Variants in EIF3L observed in about 807,000 individuals in gnomAD.
The protein encoded by EIF3L is eIEF associated protein HSPC021.
A neutral mutation model predicts 74.6 loss-of-function variants in EIF3L; 32 were observed. That is an observed-to-expected ratio of 0.43 (90% confidence interval 0.32 to 0.58). EIF3L has a LOEUF of 0.58. EIF3L is among the 20% of genes least tolerant of loss of function. The pLI is 0.06. For synonymous variants in EIF3L, 256 were observed against 254.4 expected (o/e 1.01, Z -0.06); for missense variants, 474 against 707.8 (o/e 0.67, Z 3.75).
rs766411920 is a variant in EIF3L at position 37,851,290 on chromosome 22, G to A, written c.93G>A (p.Lys31=). 8 of 1,613,944 alleles carry A rather than the reference G, an allele frequency of 5.0e-6. No individual in the cohort carries two copies. The East Asian group carries it at 1.1e-4, about 22-fold the overall frequency. ...SDYDMHTGDP[K]QDLAYERQYE... The stretch of plus-strand genomic sequence containing the variant: ...GTATCCAACCTCCAGGAGATCCAAA[G>A]CAGGACCTTGCTTATGAACGTCAGT... The change falls in exon 3 of 13, where the codon AAG becomes AAA. Residue 31 remains lysine (K), a synonymous_variant. Transcript: ENST00000652021.
At chr22:37,860,334 A>G (rs1454268818) in intron 5 of EIF3L, among the ~76,000 whole-genome samples, 2 of 152,084 alleles carry the variant, frequency 1.3e-5, no homozygotes, top group Non-Finnish European at 2.9e-5. Context: ...TCTTCAACAT[A>G]CTTCTTTTTG....
At chr22:37,863,103 CTTTTTT>C in intron 6 of EIF3L, 65 bp downstream of exon 6, 4 of 1,025,542 alleles carry the variant, frequency 3.9e-6, no homozygotes, top group Non-Finnish European at 5.5e-6. Flanking sequence ...TGGCCTCCAG[CTTTTTT>C]TTTTTTTTTT....
chr22:37,879,039 G>C (rs1926908521), intron 11 of EIF3L: 1 of 151,312 alleles, frequency 6.6e-6, no homozygotes, highest in South Asian at 2.1e-4. Context: ...CGCCTCCCAG[G>C]TTCAAGCAAT....
At chr22:37,881,741 C>T (rs1262889685) in intron 11 of EIF3L, 2 of 152,120 alleles carry the variant, frequency 1.3e-5, no homozygotes, top group Non-Finnish European at 2.9e-5. Flanking sequence ...CAGCAAATGT[C>T]CATAGGGCAG....
At chr22:37,856,635 G>A (rs941783529) in intron 4 of EIF3L, among the ~76,000 whole-genome samples, 3 of 151,866 alleles carry the variant, frequency 2.0e-5, no homozygotes, top group Non-Finnish European at 4.4e-5. Flanking sequence ...ACCTGAGGTC[G>A]GGAGTTCGAG....
intron 7 of EIF3L, among the ~76,000 whole-genome samples, chr22:37,864,148 C>T (rs373596694): frequency 6.6e-6 from 1 of 152,176 alleles, no homozygotes; most frequent in East Asian, 1.9e-4. Context: ...CCTAGAACTC[C>T]TGGGTTCAAG....
chr22:37,862,854 AAGAG>A, intron 5 of EIF3L, 111 bp from the exon 6 acceptor site: 1 of 753,262 alleles, frequency 1.3e-6, no homozygotes, highest in Non-Finnish European at 2.2e-6. Flanking sequence ...CATAGTAAGA[AAGAG>A]AGGACAGATA....
intron 3 of EIF3L, among the ~76,000 whole-genome samples, chr22:37,853,733 T>G (rs1436937792): frequency 6.6e-6 from 1 of 152,242 alleles, no homozygotes; most frequent in Non-Finnish European, 1.5e-5. Context: ...ATTTAAAAAT[T>G]AAGGGGATAT....
chr22:37,859,313 C>T (rs1925712033), intron 5 of EIF3L, among the ~76,000 whole-genome samples: 1 of 149,388 alleles, frequency 6.7e-6, no homozygotes, highest in Non-Finnish European at 1.5e-5. Context: ...ATTATCCCAA[C>T]TTTGAGCACT....
At chr22:37,861,233 C>G (rs1925838399) in intron 5 of EIF3L, among the ~76,000 whole-genome samples, 1 of 152,114 alleles carries the variant, frequency 6.6e-6, no homozygotes. Flanking sequence ...TTACTCACCC[C>G]TCTTCTCCTT....
chr22:37,870,655 T>C (rs1157508447), intron 8 of EIF3L, among the ~76,000 whole-genome samples: 2 of 152,224 alleles, frequency 1.3e-5, no homozygotes, highest in Non-Finnish European at 2.9e-5. Flanking sequence ...AGAGCCACTT[T>C]ACCCTGTTAA....
intron 4 of EIF3L, 33 bp from the exon 5 acceptor site, chr22:37,858,646 G>GT: frequency 6.3e-7 from 1 of 1,599,782 alleles, no homozygotes; most frequent in Non-Finnish European, 8.5e-7. Flanking sequence ...CAGTTTTATG[G>GT]TTAGTGAAGC....
At position 37,889,061 on chromosome 22, in the gene EIF3L, T is replaced by G. The variant is rs1308151576; in HGVS notation, c.*597T>G. 1 of 152,158 alleles carries G rather than the reference T, an allele frequency of 6.6e-6. No homozygotes were observed. The highest frequency in any genetic ancestry group is 1.5e-5 in the Non-Finnish European group (1 of 68,186). 9.4% of individuals were successfully genotyped at this position (152,158 alleles called of 1,614,324 possible). On this transcript the variant is annotated 3_prime_UTR_variant, in exon 13 of 13. Coordinates refer to ENST00000652021, the MANE Select transcript of EIF3L (RefSeq NM_016091.4). ...CCGCCTAAATTCAAAATCTTTTTGT[T>G]TTTTTTTAGACGGAGTCTCACTCTG...
At chr22:37,851,977 TA>T (rs1198364545) in intron 3 of EIF3L, among the ~76,000 whole-genome samples, 1 of 152,192 alleles carries the variant, frequency 6.6e-6, no homozygotes, top group East Asian at 1.9e-4. Flanking sequence ...CTAATTTTTG[TA>T]TTTTTAGTAG....
At chr22:37,881,689 A>C (rs748275422) in intron 11 of EIF3L, 1 of 152,180 alleles carries the variant, frequency 6.6e-6, no homozygotes, top group African/African-American at 2.4e-5. Flanking sequence ...GGTTACAGAC[A>C]TGAGCCACCA....
chr22:37,875,425 T>C (rs931109561), intron 9 of EIF3L, among the ~76,000 whole-genome samples: 5 of 152,050 alleles, frequency 3.3e-5, no homozygotes, highest in African/African-American at 1.2e-4. Context: ...AGATGGTATG[T>C]TCATTGATAC....
intron 3 of EIF3L, among the ~76,000 whole-genome samples, chr22:37,852,165 T>A (rs1925263604): frequency 6.6e-6 from 1 of 152,132 alleles, no homozygotes; most frequent in Non-Finnish European, 1.5e-5. Flanking sequence ...TATTAACAAT[T>A]ATAATAATAA....
At chr22:37,868,110 A>ATTTTT (rs545183532) in intron 7 of EIF3L, among the ~76,000 whole-genome samples, 2 of 92,686 alleles carry the variant, frequency 2.2e-5, no homozygotes, top group African/African-American at 4.5e-5. Flanking sequence ...TCTTTGTAGG[A>ATTTTT]TTTTTTTTTT....
chr22:37,851,192 A>C, intron 2 of EIF3L, 88 bp from the exon 3 acceptor site: 2 of 1,058,112 alleles, frequency 1.9e-6, no homozygotes, highest in South Asian at 3.0e-5. Flanking sequence ...CGCAGACCTG[A>C]GTTTAGTTTC....
Sources: allele counts gnomAD v4.1 joint callset (sites outside exome capture counted in the v4.1 genomes callset), GRCh38; gene constraint gnomAD v4.1.1; transcripts MANE v1.5; gene names NCBI Gene and HGNC (gene_info 2026-07-23, HGNC 2026-07-21).